Variants in ANGPT4 observed in about 807,000 individuals in gnomAD.
ANGPT4 encodes angiopoietin-4.
Under a neutral mutation model 53.0 loss-of-function variants are expected in ANGPT4, and 50 were observed. The observed-to-expected ratio is 0.94, with a 90% CI of 0.75 to 1.20. The LOEUF (loss-of-function observed/expected upper bound fraction) is 1.20. Among genes scored for constraint, ANGPT4 ranks in the 50% most tolerant of loss-of-function variants. The pLI, the probability that ANGPT4 is intolerant of heterozygous loss-of-function variation, is 0.00. For missense variants in ANGPT4, 648 were observed against 637.1 expected, an observed-to-expected ratio of 1.02 and a Z score of -0.18; for synonymous variants, 251 against 259.7, an observed-to-expected ratio of 0.97 and a Z score of 0.32.
At position 916,029 on chromosome 20, in the gene ANGPT4, G is replaced by A. The variant is rs201720367; in HGVS notation, c.186C>T (p.Ser62=). The A allele has an allele frequency of 4.2e-5, 68 of 1,614,202 alleles. No homozygotes were observed. The East Asian group carries it at 1.4e-3, about 34-fold the overall frequency. Residue 62 remains serine, a synonymous_variant, in exon 1 of 9, where the codon TCC becomes TCT. Coordinates refer to ENST00000381922, the MANE Select transcript of ANGPT4 (RefSeq NM_015985.4). ...SEPCPPGPEV[S]RDSNTLQRES... is the part of the protein sequence containing the mutation. Reference sequence around the variant, plus strand: ...CTCTCTGGAGGGTGTTGGAGTCCCTGGAGACCTCAGGCCCCGGAGGGCAGG... The same window carrying A: ...CTCTCTGGAGGGTGTTGGAGTCCCTAGAGACCTCAGGCCCCGGAGGGCAGG...
At chr20:898,631 T>C (rs927119730) in intron 1 of ANGPT4, among the ~76,000 whole-genome samples, 2 of 152,172 alleles carry the variant, frequency 1.3e-5, no homozygotes, top group African/African-American at 2.4e-5. Flanking sequence ...CAGGACTTAA[T>C]GAACCTTGCC....
In ANGPT4 at chr20:914,870, C is replaced by T. The variant is rs915126629; in HGVS notation, c.309+1036G>A. Among the ~76,000 whole-genome samples, 11 of 152,148 alleles carry T rather than the reference C, an allele frequency of 7.2e-5. No homozygotes were observed. The highest frequency in any genetic ancestry group is 1.3e-4 in the Admixed American group (2 of 15,282). ...AATAGGTGCTCACACTGCTGAAAGACGAAAGCATGACAGGGCATTCTACAG... is the reference window on the plus strand; with the variant it reads ...AATAGGTGCTCACACTGCTGAAAGATGAAAGCATGACAGGGCATTCTACAG... On this transcript the variant is annotated intron_variant, in intron 1 of 8. Transcript: ENST00000381922. The surrounding 1 kb of genome is among the most constrained non-coding windows in gnomAD (Gnocchi z 5.0).
intron 1 of ANGPT4, among the ~76,000 whole-genome samples, chr20:912,527 G>A (rs1982744776): frequency 6.6e-6 from 1 of 152,194 alleles, no homozygotes; most frequent in African/African-American, 2.4e-5. Flanking sequence ...GGGTGGAGCA[G>A]AGCCCAGAGC....
rs1982828583 is a variant in ANGPT4, at chr20:914,250, G to C, written c.309+1656C>G. Among the ~76,000 whole-genome samples, 1 of 152,026 alleles carries C rather than the reference G, an allele frequency of 6.6e-6. No homozygotes were observed. ...AATGTTTTTAAGAACATTAGGTAGG[G>C]ATAAGTTCTAAGAAAAAAAAACACA... On this transcript the variant is annotated intron_variant, in intron 1 of 8. Transcript: ENST00000381922. This position sits in a 1 kb window ranked among gnomAD's most constrained non-coding sequence, Gnocchi z 5.0.
Position 877,364 on chromosome 20 carries a change from C to T in ANGPT4, c.1220+797G>A, listed in dbSNP as rs141660362. On this transcript the variant is annotated intron_variant, in intron 7 of 8. Coordinates refer to ENST00000381922, the MANE Select transcript of ANGPT4 (RefSeq NM_015985.4). ...CAGGACCCAGGCTTATCTAAAAGAT[C>T]CTTAAATTTCTCTGAGAGGCAATAT... is the stretch of plus-strand genomic sequence containing the variant. Among the ~76,000 whole-genome samples the T allele has an allele frequency of 3.9e-3, 591 of 152,286 alleles. 5 individuals carry two copies. Among genetic ancestry groups the T allele is most frequent in the African/African-American group, 0.014 (562 of 41,552 alleles).
chr20:883,110 A>C (rs142547641), intron 4 of ANGPT4, among the ~76,000 whole-genome samples: 106 of 152,358 alleles, frequency 7.0e-4, no homozygotes, highest in African/African-American at 2.4e-3. Context: ...CCGTTTTACA[A>C]GTAAGAAAAA....
intron 7 of ANGPT4, among the ~76,000 whole-genome samples, chr20:876,751 GGTCAGGT>G (rs1981187190): frequency 6.6e-6 from 1 of 151,594 alleles, no homozygotes; most frequent in Non-Finnish European, 1.5e-5. Flanking sequence ...GCTACTCACT[GGTCAGGT>G]GTGAGGAGTA....
rs1866693563 is a variant in ANGPT4, at chr20:891,201, G to A, written c.310-833C>T. Among the ~76,000 whole-genome samples the A allele has an allele frequency of 2.0e-5, 3 of 152,286 alleles. No individual in the cohort carries two copies. In the South Asian group the frequency reaches 6.2e-4, roughly 32 times the overall value. On this transcript the variant is annotated intron_variant, in intron 1 of 8. Coordinates refer to ENST00000381922, the MANE Select transcript of ANGPT4 (RefSeq NM_015985.4). ...CATGCCCCTTCACCAGCTTCCTCAG[G>A]GTGAGTCAGCCAGCAGGGAGTGGGA...
rs1982936306 is a variant in ANGPT4, at chr20:916,125, A to G, written c.90T>C (p.Asp30=). 2 of 1,614,194 alleles carry G rather than the reference A, an allele frequency of 1.2e-6. No individual in the cohort carries two copies. The highest frequency in any genetic ancestry group is 2.7e-5 in the African/African-American group (2 of 75,068). The change falls in exon 1 of 9, where the codon GAT becomes GAC. Residue 30 remains aspartate (D), a synonymous_variant. Coordinates refer to ENST00000381922, the MANE Select transcript of ANGPT4 (RefSeq NM_015985.4). The part of the protein sequence containing the change: ...SVAQQTRQEA[D]RGCETLVVQH... ...GGACTACAAGTGTCTCGCAGCCCCTATCCGCCTCCTGCCTTGTCTGTTGAG... is the reference window on the plus strand; with the variant it reads ...GGACTACAAGTGTCTCGCAGCCCCTGTCCGCCTCCTGCCTTGTCTGTTGAG...
At chr20:884,539 T>G (rs1981531670) in intron 4 of ANGPT4, among the ~76,000 whole-genome samples, 2 of 152,214 alleles carry the variant, frequency 1.3e-5, no homozygotes, top group Admixed American at 1.3e-4. Flanking sequence ...AGTGAGAGCC[T>G]GGGAGCCCAG....
chr20:876,708 A>G (rs1981185578), intron 7 of ANGPT4, among the ~76,000 whole-genome samples: 1 of 152,208 alleles, frequency 6.6e-6, no homozygotes, highest in Admixed American at 6.5e-5. Context: ...TTTAGTGGCC[A>G]GTGGCTTAAA....
chr20:872,243 C>A lies in ANGPT4; in HGVS notation c.*717G>T, dbSNP rs1459235446. The A allele has an allele frequency of 6.6e-6, 1 of 152,172 alleles. No homozygotes were observed. Among genetic ancestry groups the A allele is most frequent in the Non-Finnish European group, 1.5e-5 (1 of 68,062 alleles). The allele number at this position is 152,172 out of a possible 1,614,324, so 9.4% of individuals were successfully genotyped here. A position where few individuals can be genotyped will look rare whatever the true frequency, so the allele number is the denominator to read the frequency against. On this transcript the variant is annotated 3_prime_UTR_variant, in exon 9 of 9. Coordinates refer to ENST00000381922, the MANE Select transcript of ANGPT4 (RefSeq NM_015985.4). ...CTTTTAGAGACAAGCCATAGTTATT[C>A]CCTGTGACACATCCTCTAGGACATG... is the stretch of plus-strand genomic sequence containing the variant.
chr20:882,551 A>G (rs538350408), intron 4 of ANGPT4, among the ~76,000 whole-genome samples: 2 of 152,212 alleles, frequency 1.3e-5, no homozygotes, highest in East Asian at 3.9e-4. Flanking sequence ...CCCCAAATCA[A>G]TTCCAGTTCA....
chr20:881,825 G>C lies in ANGPT4; in HGVS notation c.836-539C>G, dbSNP rs114007817. On this transcript the variant is annotated intron_variant, in intron 4 of 8. Transcript: ENST00000381922. The stretch of plus-strand genomic sequence containing the variant: ...AGAGCACTCTGTCCAGAGTGTGGAG[G>C]GGGGCCTGGAGGGGATGAGACTCAA... Among the ~76,000 whole-genome samples, 5 of 152,352 alleles carry C rather than the reference G, an allele frequency of 3.3e-5. No individual in the cohort carries two copies. In the East Asian group the frequency reaches 5.8e-4, roughly 18 times the overall value.
Position 879,855 on chromosome 20 carries a change from G to C in ANGPT4, c.952-7C>G, listed in dbSNP as rs746429080. ...TCTGCAGGTCACAGAACACCTGGAG[G>C]GGGTGGGCAAGGCACAGCTGGGAGC... On this transcript the variant is annotated splice_region_variant and splice_polypyrimidine_tract_variant and intron_variant, in intron 5 of 8. Transcript: ENST00000381922. The C allele has an allele frequency of 4.3e-6, 7 of 1,609,246 alleles. No individual in the cohort carries two copies. In the East Asian group the frequency reaches 1.6e-4, roughly 36 times the overall value.
intron 1 of ANGPT4, among the ~76,000 whole-genome samples, chr20:891,192 C>T (rs1981832214): frequency 6.6e-6 from 1 of 152,224 alleles, no homozygotes; most frequent in Non-Finnish European, 1.5e-5. Context: ...CCTTCACCAG[C>T]TTCCTCAGGG....
chr20:889,669 T>A lies in ANGPT4; in HGVS notation c.465+544A>T, dbSNP rs1054082120. 7.9e-5 allele frequency among the ~76,000 whole-genome samples: 12 copies of A among 152,276 alleles called. No homozygotes were observed. The East Asian group carries it at 1.9e-3, about 25-fold the overall frequency. On this transcript the variant is annotated intron_variant, in intron 2 of 8. Coordinates refer to ENST00000381922, the MANE Select transcript of ANGPT4 (RefSeq NM_015985.4). ...AGTAGGAATGTATGCCTGCTTTGTT[T>A]CCTGCTGTATACTAGACACCAGTCT...
chr20:889,833 C>T (rs952087105), intron 2 of ANGPT4, among the ~76,000 whole-genome samples: 1 of 152,196 alleles, frequency 6.6e-6, no homozygotes, highest in Non-Finnish European at 1.5e-5. Context: ...CTTTGCTGCT[C>T]AGATACCTCT....
At chr20:912,386 A>G (rs998238749) in intron 1 of ANGPT4, among the ~76,000 whole-genome samples, 1 of 152,196 alleles carries the variant, frequency 6.6e-6, no homozygotes, top group Non-Finnish European at 1.5e-5. Flanking sequence ...GAGGGAGGGC[A>G]TGGTGGACAG....
Sources: allele counts gnomAD v4.1 joint callset (sites outside exome capture counted in the v4.1 genomes callset), GRCh38; gene constraint gnomAD v4.1.1; non-coding constraint Gnocchi (gnomAD v3.1); transcripts MANE v1.5; gene names NCBI Gene and HGNC (gene_info 2026-07-23, HGNC 2026-07-21).